The following SLC22A25 variants were observed in gnomAD, a reference collection of about 807,000 sequenced individuals.
SLC22A25 encodes solute carrier family 22 member 25.
Under a neutral mutation model 45.9 loss-of-function variants are expected in SLC22A25, and 44 were observed. The observed-to-expected ratio is 0.96, with a 90% CI of 0.75 to 1.23. SLC22A25 has a LOEUF of 1.23. Ranked by LOEUF, SLC22A25 falls within the 50% of genes most tolerant of loss-of-function variation. The pLI is 0.00. For synonymous variants in SLC22A25, 283 were observed against 238.6 expected (o/e 1.19, Z -1.72); for missense variants, 800 against 666.4 (o/e 1.20, Z -2.21).
rs1311332564 is a variant in SLC22A25, at chr11:63,189,569, G to A, written c.831-5752C>T. The stretch of plus-strand genomic sequence containing the variant: ...ATTTGAGGGTAATATTGTTATGTGT[G>A]AATTTGATCTTGTTATTATGATGTT... On this transcript the variant is annotated intron_variant, in intron 7 of 11. Transcript: ENST00000306494. Among the ~76,000 whole-genome samples, 3 of 152,114 alleles carry A rather than the reference G, an allele frequency of 2.0e-5. No individual in the cohort carries two copies. In the East Asian group the frequency reaches 5.8e-4, roughly 29 times the overall value.
At chr11:63,214,909 A>C (rs1474160502) in intron 7 of SLC22A25, among the ~76,000 whole-genome samples, 1 of 152,266 alleles carries the variant, frequency 6.6e-6, no homozygotes, top group South Asian at 2.1e-4. Flanking sequence ...TTAGAATGGC[A>C]ATCATTAAAA....
Position 63,158,488 on chromosome 11 carries a change from T to C in SLC22A25, c.*5336A>G, listed in dbSNP as rs538458987. Among the ~76,000 whole-genome samples, 18 of 152,298 alleles carry C rather than the reference T, an allele frequency of 1.2e-4. No homozygotes were observed. In the South Asian group the frequency reaches 3.7e-3, roughly 32 times the overall value. Reference sequence around the variant, plus strand: ...TTTTTGTGGCTACATAGTAGATGGATATATTTATGGGGTGTATGAGATGTT... The same window carrying C: ...TTTTTGTGGCTACATAGTAGATGGACATATTTATGGGGTGTATGAGATGTT... On this transcript the variant is annotated 3_prime_UTR_variant, in exon 12 of 12. Transcript: ENST00000306494.
chr11:63,169,726 A>T (rs576939555), intron 9 of SLC22A25, among the ~76,000 whole-genome samples: 26 of 152,302 alleles, frequency 1.7e-4, no homozygotes, highest in African/African-American at 5.3e-4. Flanking sequence ...AGGAGACTTT[A>T]ACATCCCACT....
intron 7 of SLC22A25, among the ~76,000 whole-genome samples, chr11:63,202,510 C>T (rs893493807): frequency 6.6e-6 from 1 of 152,166 alleles, no homozygotes; most frequent in Admixed American, 6.5e-5. Flanking sequence ...GGCGGTTTTC[C>T]CCTCACAGTG....
chr11:63,212,570 A>T (rs1244461055), intron 7 of SLC22A25, among the ~76,000 whole-genome samples: 3 of 151,796 alleles, frequency 2.0e-5, no homozygotes, highest in African/African-American at 7.3e-5. Flanking sequence ...CACAAGGACA[A>T]AAAACCAAAC....
At chr11:63,217,265 T>A in intron 7 of SLC22A25, 49 bp downstream of exon 7, 1 of 1,585,056 alleles carries the variant, frequency 6.3e-7, no homozygotes, top group Non-Finnish European at 8.6e-7. Flanking sequence ...TCCATGTACA[T>A]CTGCATTCAA....
intron 2 of SLC22A25, among the ~76,000 whole-genome samples, chr11:63,238,369 T>C (rs1030045544): frequency 4.8e-5 from 7 of 144,592 alleles, no homozygotes; most frequent in Admixed American, 2.8e-4. Flanking sequence ...GGGTGTACAG[T>C]CTGGGCATGG....
At chr11:63,194,890 CAAAAAAAAAAAAAAAAAAAAAAAAAAA>C (rs796301840) in intron 7 of SLC22A25, among the ~76,000 whole-genome samples, 28 of 34,654 alleles carry the variant, frequency 8.1e-4, no homozygotes, top group African/African-American at 1.8e-3. Context: ...AAATGGAAAG[CAAAAAAAAAAAAAAAAAAAAAAAAAAA>C]AAAAAAAAAA....
At chr11:63,225,276 CA>C (rs1381167287) in intron 5 of SLC22A25, among the ~76,000 whole-genome samples, 9 of 152,206 alleles carry the variant, frequency 5.9e-5, no homozygotes, top group Admixed American at 4.6e-4. Context: ...TCTTTACTTT[CA>C]GATTGAATAA....
At chr11:63,229,099 T>A in intron 4 of SLC22A25, 152 bp downstream of exon 4, 1 of 703,902 alleles carries the variant, frequency 1.4e-6, no homozygotes, top group Non-Finnish European at 2.2e-6. Flanking sequence ...AATGTGCAGG[T>A]ATCTGGCATT....
chr11:63,219,887 A>C, intron 5 of SLC22A25: 1 of 1,275,136 alleles, frequency 7.8e-7, no homozygotes. Context: ...AACTCTTTTA[A>C]GTGTTACTTT....
At chr11:63,242,842 G>A (rs1229983467) in intron 1 of SLC22A25, among the ~76,000 whole-genome samples, 7 of 152,108 alleles carry the variant, frequency 4.6e-5, no homozygotes, top group African/African-American at 7.2e-5. Flanking sequence ...GGTGGAGTTC[G>A]AAGGGGAGGA....
At chr11:63,187,618 G>A (rs2088613041) in intron 7 of SLC22A25, among the ~76,000 whole-genome samples, 1 of 152,166 alleles carries the variant, frequency 6.6e-6, no homozygotes, top group African/African-American at 2.4e-5. Flanking sequence ...TCCCTGTCTT[G>A]TGCCAGTTTT....
chr11:63,240,998 A>G (rs535963842), intron 1 of SLC22A25, among the ~76,000 whole-genome samples: 1 of 152,368 alleles, frequency 6.6e-6, no homozygotes, highest in Admixed American at 6.5e-5. Context: ...GCATTGACTG[A>G]CTTGATATGG....
At chr11:63,215,531 T>C (rs2089687539) in intron 7 of SLC22A25, among the ~76,000 whole-genome samples, 1 of 152,172 alleles carries the variant, frequency 6.6e-6, no homozygotes, top group South Asian at 2.1e-4. Flanking sequence ...TGTATATCTG[T>C]GTAACAAACC....
Position 63,162,530 on chromosome 11 carries a change from C to G in SLC22A25, c.*1294G>C, listed in dbSNP as rs1044396364. Among the ~76,000 whole-genome samples the G allele has an allele frequency of 1.5e-4, 23 of 152,188 alleles. No individual in the cohort carries two copies. The highest frequency in any genetic ancestry group is 1.0e-3 in the Admixed American group (16 of 15,274). On this transcript the variant is annotated 3_prime_UTR_variant, in exon 12 of 12. Coordinates refer to ENST00000306494, the MANE Select transcript of SLC22A25 (RefSeq NM_199352.6). Reference sequence around the variant, plus strand: ...TTTATGTTCTTATAAAAGTATGCAGCTTGAAAATGAGGTTTTTCCACTTTT... The same window carrying G: ...TTTATGTTCTTATAAAAGTATGCAGGTTGAAAATGAGGTTTTTCCACTTTT...
In SLC22A25 at chr11:63,160,312, C is replaced by T. The variant is rs2087522918; in HGVS notation, c.*3512G>A. Among the ~76,000 whole-genome samples, 1 of 152,192 alleles carries T rather than the reference C, an allele frequency of 6.6e-6. No homozygotes were observed. Among genetic ancestry groups the T allele is most frequent in the South Asian group, 2.1e-4 (1 of 4,836 alleles). On this transcript the variant is annotated 3_prime_UTR_variant, in exon 12 of 12. Transcript: ENST00000306494. ...GCCTTAGTGACTTGGTGCCCTGTGT[C>T]TCAGCCACTCTAGCCATGGCTAAAA...
intron 5 of SLC22A25, among the ~76,000 whole-genome samples, chr11:63,220,877 T>C (rs2089837595): frequency 6.6e-6 from 1 of 152,184 alleles, no homozygotes. Flanking sequence ...ACATGTGAAG[T>C]TTGTCTTTCT....
chr11:63,196,470 T>G (rs997164848), intron 7 of SLC22A25, among the ~76,000 whole-genome samples: 1 of 152,154 alleles, frequency 6.6e-6, no homozygotes, highest in East Asian at 1.9e-4. Context: ...TCAATAAACA[T>G]AATCCAGCAT....
Sources: allele counts gnomAD v4.1 joint callset (sites outside exome capture counted in the v4.1 genomes callset), GRCh38; gene constraint gnomAD v4.1.1; transcripts MANE v1.5; gene names NCBI Gene and HGNC (gene_info 2026-07-23, HGNC 2026-07-21).